Variants in RTL4 observed in about 807,000 individuals in gnomAD.
The protein encoded by RTL4 is retrotransposon Gag-like protein 4.
RTL4 carries 4 observed loss-of-function variants against 5.3 expected under a neutral mutation model. That is an observed-to-expected ratio of 0.75 (90% CI 0.37 to 1.72). The LOEUF (loss-of-function observed/expected upper bound fraction) is 1.72. RTL4 is among the 40% of genes most tolerant of loss of function. The pLI is 0.04. For missense variants in RTL4, 260 were observed against 227.1 expected, an observed-to-expected ratio of 1.14 and a Z score of -0.93; for synonymous variants, 98 against 87.3, an observed-to-expected ratio of 1.12 and a Z score of -0.68.
the RTL4 span, among the ~76,000 whole-genome samples, chrX:112,377,594 G>A: frequency 2.7e-5 from 3 of 111,852 alleles, no homozygotes; most frequent in African/African-American, 6.5e-5. Flanking sequence ...TTAAAGAATC[G>A]TTAAGTCAAG....
At chrX:112,395,092 G>A in the RTL4 span, among the ~76,000 whole-genome samples, 74 of 111,843 alleles carry the variant, frequency 6.6e-4, no homozygotes, top group African/African-American at 2.2e-3. Flanking sequence ...TAATAATGGG[G>A]TCAGTGTACA....
At chrX:112,145,115 T>C in the RTL4 span, among the ~76,000 whole-genome samples, 3 of 111,626 alleles carry the variant, frequency 2.7e-5, no homozygotes, top group African/African-American at 9.8e-5. Flanking sequence ...TGTTTCGAAC[T>C]TCTTCATTTA....
At chrX:112,319,229 T>C in the RTL4 span, among the ~76,000 whole-genome samples, 1 of 112,104 alleles carries the variant, frequency 8.9e-6, no homozygotes, top group East Asian at 2.8e-4. Flanking sequence ...GTCCCAGATA[T>C]TGTAAAGTCT....
At chrX:112,339,772 A>C in the RTL4 span, among the ~76,000 whole-genome samples, 100 of 112,964 alleles carry the variant, frequency 8.9e-4, no homozygotes, top group Non-Finnish European at 1.6e-3. Flanking sequence ...AGTGATGTGC[A>C]GAATCAATGA....
chrX:112,117,240 A>G, the RTL4 span, among the ~76,000 whole-genome samples: 1 of 108,571 alleles, frequency 9.2e-6, no homozygotes, highest in Admixed American at 9.8e-5. Context: ...CATAATCGTT[A>G]TATGGTAAAT....
chrX:112,086,945 A>G, the RTL4 span, among the ~76,000 whole-genome samples: 1 of 112,415 alleles, frequency 8.9e-6, no homozygotes, highest in East Asian at 2.8e-4. Flanking sequence ...TTAATTAATG[A>G]TTAATCTTAA....
chrX:112,304,369 G>T, the RTL4 span, among the ~76,000 whole-genome samples: 1 of 111,215 alleles, frequency 9.0e-6, no homozygotes, highest in South Asian at 3.8e-4. Context: ...GTCCCCTAGG[G>T]TATTGCAAAG....
At chrX:112,174,977 G>T in the RTL4 span, among the ~76,000 whole-genome samples, 15 of 76,332 alleles carry the variant, frequency 2.0e-4, no homozygotes, top group Admixed American at 5.2e-4. Context: ...TTCTGGATAT[G>T]AGCCCTTTGT....
the RTL4 span, among the ~76,000 whole-genome samples, chrX:112,406,797 A>G: frequency 1.8e-5 from 2 of 110,360 alleles, no homozygotes; most frequent in Admixed American, 9.7e-5. Flanking sequence ...ATTGTCCTGC[A>G]TCTTGGATAG....
At chrX:112,152,356 G>A in the RTL4 span, among the ~76,000 whole-genome samples, 607 of 111,727 alleles carry the variant, frequency 5.4e-3, 27 homozygotes, top group East Asian at 0.12. Flanking sequence ...AAAGCATTTC[G>A]GAAACTCAAT....
the RTL4 span, among the ~76,000 whole-genome samples, chrX:112,172,145 T>C: frequency 9.0e-6 from 1 of 111,639 alleles, no homozygotes; most frequent in African/African-American, 3.3e-5. Context: ...GCCAACATGG[T>C]GAAAACCCAT....
chrX:112,457,063 A>C (rs1024561615), exon 1 of RTL4: 3 of 123,344 alleles, frequency 2.4e-5, no homozygotes, highest in Non-Finnish European at 5.6e-5. Flanking sequence ...CAAAATGGAT[A>C]TCCTGGAGAA....
the RTL4 span, among the ~76,000 whole-genome samples, chrX:112,299,702 A>T: frequency 1.8e-5 from 2 of 111,866 alleles, no homozygotes. Context: ...AACGGGGCAG[A>T]GGTTGCCTCC....
At chrX:112,089,596 G>C in the RTL4 span, among the ~76,000 whole-genome samples, 1 of 111,102 alleles carries the variant, frequency 9.0e-6, no homozygotes, top group African/African-American at 3.3e-5. Context: ...CTATTCTACT[G>C]TTCTATAGAT....
chrX:112,189,956 A>G, the RTL4 span, among the ~76,000 whole-genome samples: 2 of 111,877 alleles, frequency 1.8e-5, no homozygotes, highest in Admixed American at 9.4e-5. Context: ...TTTATTTTTC[A>G]GAATTGCTGA....
chrX:112,333,645 T>G, the RTL4 span, among the ~76,000 whole-genome samples: 1 of 111,524 alleles, frequency 9.0e-6, no homozygotes, highest in African/African-American at 3.3e-5. Context: ...ATTTTATTTA[T>G]TTATTTTGGT....
chrX:112,161,828 C>CTTTCTTTCTTT, the RTL4 span, among the ~76,000 whole-genome samples: 5 of 33,890 alleles, frequency 1.5e-4, no homozygotes, highest in African/African-American at 5.0e-4. Flanking sequence ...TTCCTTCCTT[C>CTTTCTTTCTTT]CTTCCTTCCT....
At chrX:112,406,046 G>A in the RTL4 span, among the ~76,000 whole-genome samples, 10 of 110,868 alleles carry the variant, frequency 9.0e-5, no homozygotes, top group East Asian at 2.9e-3. Flanking sequence ...CCTAGCCAGA[G>A]GGAAATTTCT....
chrX:112,266,640 G>A, the RTL4 span, among the ~76,000 whole-genome samples: 2 of 111,270 alleles, frequency 1.8e-5, no homozygotes, highest in Non-Finnish European at 3.8e-5. Context: ...CTGGAACAGG[G>A]CCCCTTTTAA....
Sources: allele counts gnomAD v4.1 joint callset (sites outside exome capture counted in the v4.1 genomes callset), GRCh38; gene constraint gnomAD v4.1.1; transcripts MANE v1.5; gene names NCBI Gene and HGNC (gene_info 2026-07-23, HGNC 2026-07-21).